Variants in MTA3 observed in about 807,000 individuals in gnomAD.
The protein encoded by MTA3 is metastasis-associated protein MTA3.
Under a neutral mutation model 83.5 loss-of-function variants are expected in MTA3, and 34 were observed. The ratio of observed to expected loss-of-function variants is 0.41; its 90% CI spans 0.31 to 0.54. MTA3 has a LOEUF of 0.54. MTA3 is among the 20% of genes least tolerant of loss of function. The pLI is 0.33. For synonymous variants in MTA3, 303 were observed against 252.7 expected, an observed-to-expected ratio of 1.20 and a Z score of -1.89; for missense variants, 761 against 726.4, an observed-to-expected ratio of 1.05 and a Z score of -0.55.
intron 5 of MTA3, 144 bp from the exon 6 acceptor site, chr2:42,643,983 T>A: frequency 2.0e-6 from 1 of 510,558 alleles, no homozygotes. Flanking sequence ...CATGCTCTCC[T>A]TAAAGATTTA....
rs112886594 is a variant in MTA3, at chr2:42,615,821, C to T, written c.317+6237C>T. 9.5e-3 allele frequency among the ~76,000 whole-genome samples: 1,277 copies of T among 134,728 alleles called. 22 individuals carry two copies. The highest frequency in any genetic ancestry group is 0.034 in the African/African-American group (1,208 of 35,364). The allele number at this position is 134,728 out of a possible 152,430, so 88.4% of individuals were successfully genotyped here. A position where few individuals can be genotyped will look rare whatever the true frequency, so the allele number is the denominator to read the frequency against. ...CTGCAAGCTCTGCCTCCCGGGTTCA[C>T]GCCATTCTCCTGCCTGAATCTCCAG... On this transcript the variant is annotated intron_variant, in intron 4 of 16. Coordinates refer to ENST00000405094, the MANE Select transcript of MTA3 (RefSeq NM_001330442.2).
At chr2:42,729,086 G>GTTTTTTTTTTTTTTTTT (rs1216600680) in intron 16 of MTA3, among the ~76,000 whole-genome samples, 2 of 60,140 alleles carry the variant, frequency 3.3e-5, no homozygotes, top group Non-Finnish European at 5.9e-5. Flanking sequence ...CACAGTTTGA[G>GTTTTTTTTTTTTTTTTT]TTTTTTTTTT....
chr2:42,519,107 G>A (rs1675293609), intron 2 of MTA3, among the ~76,000 whole-genome samples: 1 of 151,648 alleles, frequency 6.6e-6, no homozygotes, highest in African/African-American at 2.4e-5. Flanking sequence ...AGTTGATCAA[G>A]GTCACCATCA....
rs375530523 is a variant in MTA3 at position 42,538,776 on chromosome 2, TG to T, written c.-140-31660del. On this transcript the variant is annotated intron_variant, in intron 2 of 17. Coordinates refer to the MTA3 transcript ENST00000405592. ...AAAAAATGTTTTTTTTGTTTTTTTT[TG>T]TTTTTTTTGAGACGGAGTCTCGCCT... is the stretch of plus-strand genomic sequence containing the variant. Among the ~76,000 whole-genome samples the T allele has an allele frequency of 7.4e-3, 880 of 118,780 alleles. 26 individuals carry two copies. Among genetic ancestry groups the T allele is most frequent in the African/African-American group, 0.027 (833 of 30,308 alleles). The allele number at this position is 118,780 out of a possible 152,430, so 77.9% of individuals were successfully genotyped here.
At chr2:42,539,020 C>G (rs1010669769) in intron 2 of MTA3, among the ~76,000 whole-genome samples, 1 of 151,538 alleles carries the variant, frequency 6.6e-6, no homozygotes, top group South Asian at 2.1e-4. Flanking sequence ...ATGATCCACC[C>G]GCCTCGGCCT....
chr2:42,607,673 C>G (rs1358468237), intron 3 of MTA3, among the ~76,000 whole-genome samples: 3 of 152,170 alleles, frequency 2.0e-5, no homozygotes, highest in African/African-American at 4.8e-5. Context: ...CTTTTGAATT[C>G]TCTTTACTCT....
At chr2:42,623,838 G>A (rs953981296) in intron 4 of MTA3, among the ~76,000 whole-genome samples, 3 of 151,928 alleles carry the variant, frequency 2.0e-5, no homozygotes, top group African/African-American at 7.3e-5. Flanking sequence ...CTACAGGTGT[G>A]CGCCACTACA....
intron 4 of MTA3, among the ~76,000 whole-genome samples, chr2:42,619,068 C>CTTGG (rs2104172712): frequency 6.6e-6 from 1 of 152,264 alleles, no homozygotes; most frequent in African/African-American, 2.4e-5. Context: ...CTTGTTCTAG[C>CTTGG]TTGGTTGGTT....
At chr2:42,528,422 G>A (rs1041463357) in intron 2 of MTA3, among the ~76,000 whole-genome samples, 2 of 151,896 alleles carry the variant, frequency 1.3e-5, no homozygotes, top group Non-Finnish European at 2.9e-5. Flanking sequence ...GTTTCGTCAT[G>A]TTGGCCAGGT....
At chr2:42,579,228 AC>A (rs987533492) in intron 3 of MTA3, 28 bp downstream of exon 3, 11 of 1,504,810 alleles carry the variant, frequency 7.3e-6, no homozygotes, top group East Asian at 2.4e-5. Flanking sequence ...GATTAAAAAA[AC>A]GTTTTAAGTC....
chr2:42,729,206 C>T (rs138341380), intron 16 of MTA3, among the ~76,000 whole-genome samples: 2 of 144,608 alleles, frequency 1.4e-5, no homozygotes, highest in Non-Finnish European at 3.0e-5. Flanking sequence ...ATGCAATTCT[C>T]CTGCCTCAGC....
At chr2:42,658,931 CAA>C (rs528285589) in intron 7 of MTA3, among the ~76,000 whole-genome samples, 39 of 102,054 alleles carry the variant, frequency 3.8e-4, no homozygotes, top group Admixed American at 6.1e-4. Flanking sequence ...TTTAATTAGC[CAA>C]AAAAAAAAAA....
At chr2:42,691,856 T>C (rs183790230) in intron 9 of MTA3, among the ~76,000 whole-genome samples, 1 of 152,352 alleles carries the variant, frequency 6.6e-6, no homozygotes, top group East Asian at 1.9e-4. Flanking sequence ...TCCTGGCCTG[T>C]AAGGTTTCCA....
At chr2:42,527,425 G>A (rs1167835497) in intron 2 of MTA3, among the ~76,000 whole-genome samples, 1 of 152,124 alleles carries the variant, frequency 6.6e-6, no homozygotes, top group Non-Finnish European at 1.5e-5. Flanking sequence ...CATCTCTGAG[G>A]TTTGCAAACT....
chr2:42,579,100 C>T lies in MTA3; in HGVS notation c.97-7C>T. On this transcript the variant is annotated splice_polypyrimidine_tract_variant and splice_region_variant and intron_variant, in intron 2 of 16. Coordinates refer to ENST00000405094, the MANE Select transcript of MTA3 (RefSeq NM_001330442.2). ...TGCAAATGACTTTTATTTTTCTTAT[C>T]TCTTAGACTGCAAGTGGCAACGTGG... 6.3e-7 allele frequency: 1 copy of T among 1,586,294 alleles called. No individual in the cohort carries two copies. Among genetic ancestry groups the T allele is most frequent in the Admixed American group, 1.8e-5 (1 of 55,468 alleles).
At chr2:42,590,290 A>C (rs1217811405) in intron 3 of MTA3, among the ~76,000 whole-genome samples, 3 of 152,090 alleles carry the variant, frequency 2.0e-5, no homozygotes, top group African/African-American at 7.2e-5. Context: ...AATGGATTAA[A>C]TTAATGCCCT....
At chr2:42,680,900 TATGCCACC>T (rs1410004201) in intron 8 of MTA3, among the ~76,000 whole-genome samples, 1 of 123,728 alleles carries the variant, frequency 8.1e-6, no homozygotes, top group African/African-American at 3.2e-5. Flanking sequence ...TTACAGGCAA[TATGCCACC>T]ATGCCTGTTT....
chr2:42,549,634 CATATATA>C (rs1403920814), intron 2 of MTA3, among the ~76,000 whole-genome samples: 4 of 119,464 alleles, frequency 3.3e-5, no homozygotes, highest in East Asian at 4.5e-4. Context: ...TATACATATA[CATATATA>C]ATATATAATA....
chr2:42,528,115 C>A lies in MTA3; in HGVS notation c.-141+32861C>A, dbSNP rs537750620. 2.6e-5 allele frequency among the ~76,000 whole-genome samples: 4 copies of A among 151,418 alleles called. No homozygotes were observed. In the East Asian group the frequency reaches 7.8e-4, roughly 29 times the overall value. On this transcript the variant is annotated intron_variant, in intron 2 of 17. Coordinates refer to the MTA3 transcript ENST00000405592. ...AATTTTTTTGTATTTTTAGTAGAGA[C>A]AGGGTTTCACCGTGTTACCCAGGAT...
Sources: allele counts gnomAD v4.1 joint callset (sites outside exome capture counted in the v4.1 genomes callset), GRCh38; gene constraint gnomAD v4.1.1; transcripts MANE v1.5; gene names NCBI Gene and HGNC (gene_info 2026-07-23, HGNC 2026-07-21).